The following RBM42 variants were observed in gnomAD, a reference collection of about 807,000 sequenced individuals.
RBM42 encodes the protein RNA-binding protein 42.
A neutral mutation model predicts 41.4 loss-of-function variants in RBM42; 21 were observed. The ratio of observed to expected loss-of-function variants is 0.51; its 90% CI spans 0.36 to 0.73. The LOEUF is 0.73. RBM42 is among the 30% of genes least tolerant of loss of function. RBM42 has a pLI of 0.00. For synonymous variants in RBM42, 272 were observed against 271.2 expected (o/e 1.00, Z -0.03); for missense variants, 539 against 680.4 (o/e 0.79, Z 2.31).
intron 2 of RBM42, 120 bp from the exon 3 acceptor site, chr19:35,631,020 C>T (rs973545819): frequency 1.1e-6 from 1 of 874,482 alleles, no homozygotes; most frequent in Admixed American, 2.0e-5. Context: ...TAGCTAAGAC[C>T]TGAGATAGCC....
intron 8 of RBM42, among the ~76,000 whole-genome samples, chr19:35,634,818 C>A (rs1278709640): frequency 6.6e-6 from 1 of 151,636 alleles, no homozygotes; most frequent in East Asian, 2.0e-4. Flanking sequence ...GCCACTGTAC[C>A]TGGCCGGGAA....
At position 35,631,188 on chromosome 19, in the gene RBM42, C is replaced by A; in HGVS notation, c.331C>A (p.Pro111Thr). The A allele has an allele frequency of 6.2e-7, 1 of 1,614,162 alleles. No homozygotes were observed. Among genetic ancestry groups the A allele is most frequent in the South Asian group, 1.1e-5 (1 of 91,080 alleles). Residue 111 changes from proline to threonine, a missense_variant, in exon 3 of 10, where the codon CCT (proline) becomes ACT (threonine). Physicochemically the swap from Pro to Thr is conservative, Grantham distance 38. Coordinates refer to ENST00000262633, the MANE Select transcript of RBM42 (RefSeq NM_024321.5). ...AGCAGCTGCTGCAGCCACAGTAGTT[C>A]CTCCCATGGTGGGTGGCCCTCCTTT... ...ARAAAAATVV[P>T]PMVGGPPFVG...
intron 4 of RBM42, among the ~76,000 whole-genome samples, chr19:35,632,157 T>C (rs1053741682): frequency 6.6e-6 from 1 of 152,232 alleles, no homozygotes; most frequent in Non-Finnish European, 1.5e-5. Context: ...GTTATACTTA[T>C]TAATCTGATG....
intron 8 of RBM42, 120 bp downstream of exon 8, chr19:35,634,493 A>C (rs1599607816): frequency 1.5e-6 from 1 of 654,540 alleles, no homozygotes; most frequent in Non-Finnish European, 2.6e-6. Context: ...TTGTTAGCCC[A>C]CCTTGGGGAG....
chr19:35,629,139 G>A lies in RBM42; in HGVS notation c.-15G>A, dbSNP rs1402679406. ...AGCAGAGACTGTAGTAGCGGCGACA[G>A]CGACGACGGCAGCGATGGCTGGGGC... On this transcript the variant is annotated 5_prime_UTR_variant, in exon 1 of 10. Coordinates refer to ENST00000262633, the MANE Select transcript of RBM42 (RefSeq NM_024321.5). 4 of 1,522,104 alleles carry A rather than the reference G, an allele frequency of 2.6e-6. No individual in the cohort carries two copies. Among genetic ancestry groups the A allele is most frequent in the East Asian group, 2.5e-5 (1 of 40,248 alleles). The allele number at this position is 1,522,104 out of a possible 1,614,324, so 94.3% of individuals were successfully genotyped here. A position where few individuals can be genotyped will look rare whatever the true frequency, so the allele number is the denominator to read the frequency against.
Position 35,635,511 on chromosome 19 carries a change from CT to C in RBM42, c.1135+1149del, listed in dbSNP as rs202150435. ...GCAGTTTTATGTCCTTCAATTATAT[CT>C]TTTTTTTTTTCTTTTTTTTTTTTGA... is the stretch of plus-strand genomic sequence containing the variant. On this transcript the variant is annotated intron_variant, in intron 8 of 9. Transcript: ENST00000262633. 1.5e-3 allele frequency among the ~76,000 whole-genome samples: 133 copies of C among 91,202 alleles called. 1 individual carries two copies. The highest frequency in any genetic ancestry group is 9.6e-3 in the South Asian group (21 of 2,186). 59.8% of individuals were successfully genotyped at this position (91,202 alleles called of 152,430 possible).
At position 35,633,936 on chromosome 19, in the gene RBM42, C is replaced by A. The variant is rs779937122; in HGVS notation, c.934C>A (p.Leu312Met). The A allele has an allele frequency of 1.3e-6, 2 of 1,578,362 alleles. No individual in the cohort carries two copies. Among genetic ancestry groups the A allele is most frequent in the South Asian group, 2.3e-5 (2 of 86,528 alleles). ...GGTCGTCCGCGGCCTCCTGCCCCCGCTGCGCATTCCTGAACTCCTGTCCCT... is the reference window on the plus strand; with the variant it reads ...GGTCGTCCGCGGCCTCCTGCCCCCGATGCGCATTCCTGAACTCCTGTCCCT... ...LEVVRGLLPP[L>M]RIPELLSLRP... The change falls in exon 7 of 10, where the codon CTG (leucine) becomes ATG (methionine). Residue 312 changes from leucine (L) to methionine (M), a missense_variant. Transcript: ENST00000262633.
chr19:35,631,017 G>C, intron 2 of RBM42, 123 bp from the exon 3 acceptor site: 1 of 838,776 alleles, frequency 1.2e-6, no homozygotes, highest in South Asian at 1.5e-5. Flanking sequence ...TTTTAGCTAA[G>C]ACCTGAGATA....
rs201812659 is a variant in RBM42 at position 35,633,243 on chromosome 19, G to A, written c.675G>A (p.Arg225=). The A allele has an allele frequency of 1.2e-4, 193 of 1,585,828 alleles. No homozygotes were observed. The highest frequency in any genetic ancestry group is 1.5e-4 in the Non-Finnish European group (178 of 1,167,716). Reference sequence around the variant, plus strand: ...CGCTGGGCTCCATGGCTGCACTGAGGCCCCCTCTGGTGAGTGTGAACAGGG... The same window carrying A: ...CGCTGGGCTCCATGGCTGCACTGAGACCCCCTCTGGTGAGTGTGAACAGGG... ...GPPLGSMAAL[R]PPLEEPAAPR... is the part of the protein sequence containing the mutation. The change falls in exon 6 of 10, where the codon AGG becomes AGA. Residue 225 remains arginine (R), a synonymous_variant. Transcript: ENST00000262633.
At chr19:35,634,469 T>A in intron 8 of RBM42, 96 bp downstream of exon 8, 2 of 837,898 alleles carry the variant, frequency 2.4e-6, no homozygotes, top group African/African-American at 1.7e-5. Flanking sequence ...ACCCTCTCAG[T>A]AGGGTGGGCG....
intron 6 of RBM42, 125 bp from the exon 7 acceptor site, chr19:35,633,562 C>G: frequency 1.1e-6 from 1 of 901,566 alleles, no homozygotes; most frequent in Non-Finnish European, 1.5e-6. Context: ...GCTGGAGACT[C>G]TCTGCTTGGG....
Position 35,629,297 on chromosome 19 carries a change from GA to G in RBM42, c.128+17del. ...AGATGGCCCTGTAAGGCCCGCGACAGAGAGTGATAAAAGTCGTCCCAGAGCC... is the reference window on the plus strand; with the variant it reads ...AGATGGCCCTGTAAGGCCCGCGACAGGAGTGATAAAAGTCGTCCCAGAGCC... On this transcript the variant is annotated intron_variant, in intron 1 of 9. Transcript: ENST00000262633. 1 of 1,513,760 alleles carries G rather than the reference GA, an allele frequency of 6.6e-7. No individual in the cohort carries two copies. Among genetic ancestry groups the G allele is most frequent in the South Asian group, 1.2e-5 (1 of 82,672 alleles). 93.8% of individuals were successfully genotyped at this position (1,513,760 alleles called of 1,614,324 possible). A position where few individuals can be genotyped will look rare whatever the true frequency, so the allele number is the denominator to read the frequency against.
At chr19:35,633,282 A>G (rs374689506) in intron 6 of RBM42, 30 bp downstream of exon 6, 49 of 1,511,506 alleles carry the variant, frequency 3.2e-5, no homozygotes, top group Admixed American at 8.7e-5. Context: ...TAACGGTCAG[A>G]TGTGCGGTGG....
chr19:35,629,711 A>G (rs1967371611), intron 2 of RBM42, 38 bp downstream of exon 2: 9 of 1,609,906 alleles, frequency 5.6e-6, no homozygotes, highest in Non-Finnish European at 5.9e-6. Context: ...AGGGAACACA[A>G]TGCCTCGAAC....
intron 8 of RBM42, among the ~76,000 whole-genome samples, chr19:35,635,838 G>A (rs1967487454): frequency 6.6e-6 from 1 of 152,162 alleles, no homozygotes; most frequent in South Asian, 2.1e-4. Flanking sequence ...ATCTTAATAA[G>A]AACGGTCTCT....
At chr19:35,636,546 C>T (rs1456598909) in intron 8 of RBM42, among the ~76,000 whole-genome samples, 1 of 152,230 alleles carries the variant, frequency 6.6e-6, no homozygotes, top group Admixed American at 6.5e-5. Context: ...AGTGGAAGCA[C>T]AGGCCCAACT....
Position 35,637,139 on chromosome 19 carries a change from A to ATC in RBM42, c.1136-15_1136-14dup. ...CAAGGCCTCTGCATCCTCTGATGTC[A>ATC]TCTCTTCCCCATCCCCAGATGACTT... On this transcript the variant is annotated intron_variant, in intron 8 of 9. Coordinates refer to ENST00000262633, the MANE Select transcript of RBM42 (RefSeq NM_024321.5). This position sits in a 1 kb window ranked among gnomAD's most constrained non-coding sequence, Gnocchi z 7.0. The ATC allele has an allele frequency of 6.2e-7, 1 of 1,600,500 alleles. No homozygotes were observed. Among genetic ancestry groups the ATC allele is most frequent in the Middle Eastern group, 1.7e-4 (1 of 6,054 alleles).
chr19:35,637,116 A>C lies in RBM42; in HGVS notation c.1136-42A>C, dbSNP rs1967511166. ...GTTCAGACAAGGTAGACACTGGGCA[A>C]GGCCTCTGCATCCTCTGATGTCATC... is the stretch of plus-strand genomic sequence containing the variant. On this transcript the variant is annotated intron_variant, in intron 8 of 9. Transcript: ENST00000262633. The surrounding 1 kb of genome is among the most constrained non-coding windows in gnomAD (Gnocchi z 7.0). 1.9e-6 allele frequency: 3 copies of C among 1,554,360 alleles called. No individual in the cohort carries two copies. The highest frequency in any genetic ancestry group is 2.6e-6 in the Non-Finnish European group (3 of 1,142,878).
chr19:35,633,651 G>A (rs901026479), intron 6 of RBM42, 36 bp from the exon 7 acceptor site: 1 of 1,391,350 alleles, frequency 7.2e-7, no homozygotes, highest in Non-Finnish European at 9.3e-7. Flanking sequence ...CTGAGCCTGT[G>A]AGCCGGCCCC....
Sources: gnomAD v4.1 joint callset for allele counts (sites outside exome capture counted in the v4.1 genomes callset) on GRCh38, gnomAD v4.1.1 for gene constraint, Gnocchi (gnomAD v3.1) non-coding constraint, MANE v1.5 for transcripts, NCBI Gene and HGNC (gene_info 2026-07-23, HGNC 2026-07-21) for gene names.